The following CNTN3 variants were observed in gnomAD, a reference collection of about 807,000 sequenced individuals.
The protein encoded by CNTN3 is contactin-3.
In CNTN3, 60 loss-of-function variants were observed where a neutral mutation model predicts 119.1. The ratio of observed to expected loss-of-function variants is 0.50; its 90% CI spans 0.41 to 0.62. The LOEUF (loss-of-function observed/expected upper bound fraction) is 0.62, where lower values mean the gene tolerates loss of function less well. Among genes scored for constraint, CNTN3 ranks in the 20% least tolerant of loss-of-function variants. The pLI is 0.00. For missense variants in CNTN3, 1,101 were observed against 1,242.4 expected (o/e 0.89, Z 1.71); for synonymous variants, 450 against 438.7 (o/e 1.03, Z -0.32).
chr3:74,267,888 C>A (rs1701695072), intron 20 of CNTN3, among the ~76,000 whole-genome samples: 1 of 151,972 alleles, frequency 6.6e-6, no homozygotes, highest in Non-Finnish European at 1.5e-5. Flanking sequence ...GATTAAAGTT[C>A]TGTGAAATGA....
intron 6 of CNTN3, among the ~76,000 whole-genome samples, chr3:74,370,606 A>G (rs963880766): frequency 2.0e-5 from 3 of 152,106 alleles, no homozygotes; most frequent in Non-Finnish European, 2.9e-5. Flanking sequence ...TGACTGGAAA[A>G]AAGTGCTTCA....
intron 4 of CNTN3, among the ~76,000 whole-genome samples, chr3:74,430,072 C>A (rs1329337027): frequency 6.6e-6 from 1 of 152,080 alleles, no homozygotes; most frequent in African/African-American, 2.4e-5. Context: ...ATATGGAAAA[C>A]ATGTTTTTTA....
At chr3:74,474,385 C>T (rs1702616939) in intron 4 of CNTN3, among the ~76,000 whole-genome samples, 1 of 152,116 alleles carries the variant, frequency 6.6e-6, no homozygotes, top group Admixed American at 6.6e-5. Context: ...GAGATGTCTA[C>T]TGATACCCAG....
At chr3:74,490,876 G>C (rs1024052916) in intron 3 of CNTN3, among the ~76,000 whole-genome samples, 1 of 152,118 alleles carries the variant, frequency 6.6e-6, no homozygotes, top group Non-Finnish European at 1.5e-5. Context: ...ATAACCAGAA[G>C]AATGTTAATT....
chr3:74,514,132 G>A (rs1703413172), intron 2 of CNTN3, among the ~76,000 whole-genome samples: 1 of 151,998 alleles, frequency 6.6e-6, no homozygotes, highest in South Asian at 2.1e-4. Flanking sequence ...CAATATTTCA[G>A]CCTTAACCGT....
chr3:74,454,563 G>A (rs1702229622), intron 4 of CNTN3, among the ~76,000 whole-genome samples: 5 of 151,610 alleles, frequency 3.3e-5, no homozygotes, highest in Admixed American at 3.3e-4. Context: ...TATGATGTTA[G>A]CTGGTTATTT....
In CNTN3 at chr3:74,295,171, A is replaced by C; in HGVS notation, c.2467T>G (p.Trp823Gly). 6.2e-7 allele frequency: 1 copy of C among 1,613,690 alleles called. No individual in the cohort carries two copies. Among genetic ancestry groups the C allele is most frequent in the Non-Finnish European group, 8.5e-7 (1 of 1,179,622 alleles). Residue 823 changes from tryptophan to glycine, a missense_variant, in exon 19 of 23, where the codon TGG becomes GGG. Coordinates refer to ENST00000263665, the MANE Select transcript of CNTN3 (RefSeq NM_020872.3). Reference sequence around the variant, plus strand: ...CTCAACTTCCAAGGAATGGTGTTCCATGAAACCTCAATTTCTGAGGAAGAT... The same window carrying C: ...CTCAACTTCCAAGGAATGGTGTTCCCTGAAACCTCAATTTCTGAGGAAGAT... ...SLSSSEIEVS[W>G]NTIPWKLSNG...
chr3:74,498,979 T>C (rs1703112962), intron 3 of CNTN3, among the ~76,000 whole-genome samples: 1 of 151,876 alleles, frequency 6.6e-6, no homozygotes, highest in Non-Finnish European at 1.5e-5. Context: ...TATTTAATAA[T>C]ACAAATACCC....
rs767279862 is a variant in CNTN3, at chr3:74,298,185, G to A, written c.2173C>T (p.Pro725Ser). The change falls in exon 18 of 23, where the codon CCT (proline) becomes TCT (serine). Residue 725 changes from proline (P) to serine (S), a missense_variant. Physicochemically the swap from Pro to Ser is moderately conservative, Grantham distance 74. Coordinates refer to ENST00000263665, the MANE Select transcript of CNTN3 (RefSeq NM_020872.3). ...SELVITWDPV[P>S]EELQNGEGFG... ...CCTTCACCATTCTGTAGTTCTTCAG[G>A]GACTGGCTATAAAGGAAAGACATAC... 9 of 1,574,338 alleles carry A rather than the reference G, an allele frequency of 5.7e-6. No individual in the cohort carries two copies. In the African/African-American group the frequency reaches 9.5e-5, roughly 17 times the overall value.
At chr3:74,540,393 A>G (rs974535913) in intron 1 of CNTN3, among the ~76,000 whole-genome samples, 2 of 152,108 alleles carry the variant, frequency 1.3e-5, no homozygotes, top group African/African-American at 4.8e-5. Context: ...TAAACAATGA[A>G]TTGGTCTGAT....
At position 74,443,960 on chromosome 3, in the gene CNTN3, T is replaced by C. The variant is rs553644922; in HGVS notation, c.359-19020A>G. The stretch of plus-strand genomic sequence containing the variant: ...AGGCTGGAACTCTAAAATCATGGTG[T>C]TGGCAGGATCATGCTCCCTCTGAAA... On this transcript the variant is annotated intron_variant, in intron 4 of 22. Coordinates refer to ENST00000263665, the MANE Select transcript of CNTN3 (RefSeq NM_020872.3). 5.3e-5 allele frequency among the ~76,000 whole-genome samples: 8 copies of C among 152,284 alleles called. No individual in the cohort carries two copies. The East Asian group carries it at 1.5e-3, about 29-fold the overall frequency.
At chr3:74,349,748 G>A (rs1703772187) in intron 11 of CNTN3, among the ~76,000 whole-genome samples, 1 of 152,154 alleles carries the variant, frequency 6.6e-6, no homozygotes, top group Non-Finnish European at 1.5e-5. Context: ...GTGAGAGCAG[G>A]GAAACAGAAC....
In CNTN3 at chr3:74,569,947, T is replaced by C. The variant is rs532360120; in HGVS notation, c.-81+44444A>G. Among the ~76,000 whole-genome samples the C allele has an allele frequency of 2.6e-5, 4 of 152,282 alleles. No homozygotes were observed. The South Asian group carries it at 8.3e-4, about 32-fold the overall frequency. ...AAAGGCCAATCTTACTACCATAGGA[T>C]GCACTTGGGAGTGTCTCCTTAGGTG... On this transcript the variant is annotated intron_variant, in intron 1 of 22. Coordinates refer to ENST00000263665, the MANE Select transcript of CNTN3 (RefSeq NM_020872.3).
chr3:74,370,729 GCCATCAA>G (rs1461940054), intron 6 of CNTN3, among the ~76,000 whole-genome samples: 1 of 152,082 alleles, frequency 6.6e-6, no homozygotes, highest in Non-Finnish European at 1.5e-5. Context: ...CCCTTAAACA[GCCATCAA>G]GGTGTTGATG....
intron 11 of CNTN3, among the ~76,000 whole-genome samples, chr3:74,353,478 C>T (rs539155471): frequency 6.6e-6 from 1 of 152,264 alleles, no homozygotes; most frequent in Non-Finnish European, 1.5e-5. Flanking sequence ...AGGCATAGGC[C>T]GGGTGCCGTG....
At position 74,459,895 on chromosome 3, in the gene CNTN3, T is replaced by C. The variant is rs967306469; in HGVS notation, c.358+26561A>G. 2.0e-5 allele frequency among the ~76,000 whole-genome samples: 3 copies of C among 152,196 alleles called. No homozygotes were observed. In the South Asian group the frequency reaches 6.2e-4, roughly 32 times the overall value. On this transcript the variant is annotated intron_variant, in intron 4 of 22. Coordinates refer to ENST00000263665, the MANE Select transcript of CNTN3 (RefSeq NM_020872.3). ...TTTTACTGTAAATACTTCAGAATTA[T>C]TTATAACATCTGTAACTTTTTTCAG...
intron 2 of CNTN3, among the ~76,000 whole-genome samples, chr3:74,509,439 G>A (rs771863312): frequency 3.3e-5 from 5 of 151,538 alleles, no homozygotes; most frequent in Non-Finnish European, 5.9e-5. Context: ...CTGGGATTAC[G>A]GGCACACGCC....
At chr3:74,415,880 G>A (rs563871200) in intron 5 of CNTN3, among the ~76,000 whole-genome samples, 1 of 152,258 alleles carries the variant, frequency 6.6e-6, no homozygotes, top group African/African-American at 2.4e-5. Context: ...AGGCTTACAG[G>A]TCAAATATCA....
intron 4 of CNTN3, among the ~76,000 whole-genome samples, chr3:74,453,917 A>T (rs1350568950): frequency 1.3e-5 from 2 of 151,724 alleles, no homozygotes; most frequent in African/African-American, 2.4e-5. Flanking sequence ...TGCTGAGGAG[A>T]GCTTTACTTC....
Sources: gnomAD v4.1 joint callset for allele counts (sites outside exome capture counted in the v4.1 genomes callset) on GRCh38, gnomAD v4.1.1 for gene constraint, MANE v1.5 for transcripts, NCBI Gene and HGNC (gene_info 2026-07-23, HGNC 2026-07-21) for gene names.